The following CAB39 variants were observed in gnomAD, a reference collection of about 807,000 sequenced individuals.
CAB39 encodes calcium-binding protein 39.
CAB39 carries 8 observed loss-of-function variants against 40.0 expected under a neutral mutation model. That is an observed-to-expected ratio of 0.20 (90% CI 0.12 to 0.36). The LOEUF (loss-of-function observed/expected upper bound fraction) is 0.36. Among genes scored for constraint, CAB39 ranks in the 10% least tolerant of loss-of-function variants. CAB39 has a pLI of 1.00. For synonymous variants in CAB39, 156 were observed against 141.6 expected (o/e 1.10, Z -0.72); for missense variants, 270 against 401.1 (o/e 0.67, Z 2.79).
At chr2:230,761,903 G>GTTA (rs1235940942) in intron 2 of CAB39, among the ~76,000 whole-genome samples, 7 of 150,612 alleles carry the variant, frequency 4.6e-5, no homozygotes, top group Non-Finnish European at 1.5e-5. Context: ...TGTTGTTGTT[G>GTTA]TTGTTGTTGT....
In CAB39 at chr2:230,775,203, A is replaced by T. The variant is rs1436097164; in HGVS notation, c.114+15088A>T. On this transcript the variant is annotated intron_variant, in intron 2 of 8. Transcript: ENST00000258418. Reference sequence around the variant, plus strand: ...AATTTAAGCCTCATCATTCCCCCCAAATCTGAGCTCTTTAAGGCATTTCTT... The same window carrying T: ...AATTTAAGCCTCATCATTCCCCCCATATCTGAGCTCTTTAAGGCATTTCTT... Among the ~76,000 whole-genome samples, 3 of 151,968 alleles carry T rather than the reference A, an allele frequency of 2.0e-5. No homozygotes were observed. In the East Asian group the frequency reaches 5.8e-4, roughly 29 times the overall value.
intron 1 of CAB39, among the ~76,000 whole-genome samples, chr2:230,742,386 A>G (rs1400273480): frequency 1.3e-5 from 2 of 152,128 alleles, no homozygotes; most frequent in Non-Finnish European, 2.9e-5. Context: ...CGTGTTAGCC[A>G]GGATGGTCTC....
At chr2:230,816,801 G>A (rs1191596926) in intron 7 of CAB39, among the ~76,000 whole-genome samples, 3 of 152,164 alleles carry the variant, frequency 2.0e-5, no homozygotes, top group East Asian at 1.9e-4. Flanking sequence ...TGATGGAACC[G>A]AGACACAGAG....
At chr2:230,802,894 C>T (rs935591331) in intron 5 of CAB39, among the ~76,000 whole-genome samples, 1 of 152,158 alleles carries the variant, frequency 6.6e-6, no homozygotes, top group Non-Finnish European at 1.5e-5. Context: ...GGGAATCTTC[C>T]CTAACTCATT....
chr2:230,758,460 A>C (rs1232715486), intron 1 of CAB39, among the ~76,000 whole-genome samples: 4 of 152,248 alleles, frequency 2.6e-5, no homozygotes, highest in African/African-American at 4.8e-5. Flanking sequence ...AACAGTTCAC[A>C]TCAGAACATG....
intron 2 of CAB39, chr2:230,778,896 T>C (rs1695640943): frequency 6.6e-6 from 1 of 152,220 alleles, no homozygotes; most frequent in Non-Finnish European, 1.5e-5. Context: ...AGCAAAAATA[T>C]GGTATTGTAT....
intron 2 of CAB39, among the ~76,000 whole-genome samples, chr2:230,763,892 C>T (rs1559602201): frequency 2.6e-5 from 4 of 152,034 alleles, no homozygotes; most frequent in South Asian, 2.1e-4. Context: ...GAGGCCTAGT[C>T]GAGCGGATCA....
chr2:230,743,579 A>T (rs1328131214), intron 1 of CAB39, among the ~76,000 whole-genome samples: 1 of 152,232 alleles, frequency 6.6e-6, no homozygotes, highest in Admixed American at 6.5e-5. Flanking sequence ...AAACATAAGG[A>T]TGTAGACCTT....
intron 1 of CAB39, among the ~76,000 whole-genome samples, chr2:230,739,546 G>T (rs1011553234): frequency 2.6e-5 from 4 of 152,216 alleles, no homozygotes; most frequent in Admixed American, 6.5e-5. Context: ...CCAGGCTGGA[G>T]TGGAATGGCG....
chr2:230,771,964 A>G (rs753097425), intron 2 of CAB39, among the ~76,000 whole-genome samples: 63 of 152,224 alleles, frequency 4.1e-4, no homozygotes, highest in Non-Finnish European at 4.6e-4. Flanking sequence ...CAAATGTAAG[A>G]CCTAAAATTA....
chr2:230,713,897 T>TGATA (rs1694300861), intron 1 of CAB39: 1 of 151,570 alleles, frequency 6.6e-6, no homozygotes, highest in Non-Finnish European at 1.5e-5. Flanking sequence ...GGGAAGGAGG[T>TGATA]GATAAGTCCT....
intron 2 of CAB39, among the ~76,000 whole-genome samples, chr2:230,760,598 C>CTA (rs1695272400): frequency 6.6e-6 from 1 of 152,190 alleles, no homozygotes. Context: ...AACTTGAGAG[C>CTA]TATAAGTGCC....
At chr2:230,796,749 T>C (rs1394796275) in intron 4 of CAB39, among the ~76,000 whole-genome samples, 1 of 151,958 alleles carries the variant, frequency 6.6e-6, no homozygotes, top group Non-Finnish European at 1.5e-5. Flanking sequence ...TTTGGGTTAA[T>C]AAGGCAAGGG....
At chr2:230,743,916 CTTT>C (rs1184035557) in intron 1 of CAB39, among the ~76,000 whole-genome samples, 3 of 127,712 alleles carry the variant, frequency 2.3e-5, no homozygotes, top group Non-Finnish European at 3.3e-5. Context: ...ATACATGATA[CTTT>C]TTTTTTTTTT....
At chr2:230,724,115 C>G (rs578181996) in intron 1 of CAB39, among the ~76,000 whole-genome samples, 1 of 151,886 alleles carries the variant, frequency 6.6e-6, no homozygotes, top group East Asian at 1.9e-4. Flanking sequence ...AGTGTGGTGA[C>G]GCACACCTGT....
At chr2:230,768,409 C>T (rs1695426844) in intron 2 of CAB39, among the ~76,000 whole-genome samples, 1 of 152,062 alleles carries the variant, frequency 6.6e-6, no homozygotes, top group African/African-American at 2.4e-5. Context: ...CATCATCTTC[C>T]CTGTAGTTAA....
intron 8 of CAB39, 65 bp from the exon 9 acceptor site, chr2:230,818,451 C>G (rs554101111): frequency 7.4e-7 from 1 of 1,353,022 alleles, no homozygotes; most frequent in South Asian, 1.3e-5. Flanking sequence ...GCACTGTGGC[C>G]GCAGCTCAGG....
intron 1 of CAB39, among the ~76,000 whole-genome samples, chr2:230,735,359 G>T (rs911001960): frequency 6.6e-6 from 1 of 152,004 alleles, no homozygotes; most frequent in African/African-American, 2.4e-5. Context: ...TAGAGATGGG[G>T]TTTCACCATG....
At position 230,793,110 on chromosome 2, in the gene CAB39, CAT is replaced by C. The variant is rs374084956; in HGVS notation, c.280-101_280-100del. On this transcript the variant is annotated intron_variant, in intron 3 of 8. Coordinates refer to ENST00000258418, the MANE Select transcript of CAB39 (RefSeq NM_016289.4). ...AATGTGTTAAAGTCAGATATTCAGTCATAACAATAAGTACAATGGCCTTATTC... is the reference window on the plus strand; with the variant it reads ...AATGTGTTAAAGTCAGATATTCAGTCAACAATAAGTACAATGGCCTTATTC... 9.3e-6 allele frequency: 6 copies of C among 642,442 alleles called. No individual in the cohort carries two copies. The African/African-American group carries it at 1.1e-4, about 12-fold the overall frequency. 39.8% of individuals were successfully genotyped at this position (642,442 alleles called of 1,614,324 possible). A position where few individuals can be genotyped will look rare whatever the true frequency, so the allele number is the denominator to read the frequency against.
Sources: allele counts gnomAD v4.1 joint callset (sites outside exome capture counted in the v4.1 genomes callset), GRCh38; gene constraint gnomAD v4.1.1; transcripts MANE v1.5; gene names NCBI Gene and HGNC (gene_info 2026-07-23, HGNC 2026-07-21).